NFATC1: variants seen among roughly 807,000 people sequenced by gnomAD.
NFATC1 encodes the protein nuclear factor of activated T cells 1, also known as nuclear factor of activated T-cells, cytoplasmic 1.
Under a neutral mutation model 76.0 loss-of-function variants are expected in NFATC1, and 22 were observed. That is an observed-to-expected ratio of 0.29 (90% CI 0.21 to 0.41). The LOEUF is 0.41. NFATC1 is among the 10% of genes least tolerant of loss of function. The pLI is 1.00. For missense variants in NFATC1, 1,357 were observed against 1,337.7 expected, an observed-to-expected ratio of 1.01 and a Z score of -0.23; for synonymous variants, 704 against 613.1, an observed-to-expected ratio of 1.15 and a Z score of -2.19.
chr18:79,401,701 C>T (rs956473473), intron 1 of NFATC1, among the ~76,000 whole-genome samples: 1 of 152,252 alleles, frequency 6.6e-6, no homozygotes, highest in Non-Finnish European at 1.5e-5. Flanking sequence ...AAAGTCGGTC[C>T]CATGAGAGTG....
chr18:79,454,534 G>C (rs1480925440), intron 6 of NFATC1, among the ~76,000 whole-genome samples: 1 of 152,186 alleles, frequency 6.6e-6, no homozygotes, highest in Non-Finnish European at 1.5e-5. Flanking sequence ...CTGGGTGCCG[G>C]GTCCCTCTGG....
At chr18:79,411,599 G>A in intron 2 of NFATC1, 98 bp downstream of exon 2, 1 of 986,616 alleles carries the variant, frequency 1.0e-6, no homozygotes, top group Non-Finnish European at 1.3e-6. Context: ...GGGCGGCCGT[G>A]TCTGGGGACG....
rs539396405 is a variant in NFATC1, at chr18:79,509,870, T to A, written c.2783-17658T>A. On this transcript the variant is annotated intron_variant, in intron 9 of 9. Transcript: ENST00000427363. Reference sequence around the variant, plus strand: ...CTGACCTCACCTCGGTGTTTGGAAATGGACCAAGACTTATCGGAAAGTGTC... The same window carrying A: ...CTGACCTCACCTCGGTGTTTGGAAAAGGACCAAGACTTATCGGAAAGTGTC... Among the ~76,000 whole-genome samples the A allele has an allele frequency of 1.2e-3, 178 of 152,320 alleles. 2 individuals are homozygous for A. The highest frequency in any genetic ancestry group is 3.7e-3 in the South Asian group (18 of 4,828).
At chr18:79,413,076 G>A (rs78081956) in intron 2 of NFATC1, among the ~76,000 whole-genome samples, 7 of 152,322 alleles carry the variant, frequency 4.6e-5, no homozygotes, top group East Asian at 1.9e-4. Context: ...AAGCGTAGTG[G>A]CACTGACTCT....
Position 79,458,118 on chromosome 18 carries a change from G to C in NFATC1, c.1904-3193G>C, listed in dbSNP as rs897281349. 2.0e-5 allele frequency among the ~76,000 whole-genome samples: 3 copies of C among 152,206 alleles called. 1 individual carries two copies. The highest frequency in any genetic ancestry group is 1.5e-5 in the Non-Finnish European group (1 of 68,036). On this transcript the variant is annotated intron_variant, in intron 6 of 9. Transcript: ENST00000427363. ...GGTGTGAAAGGGCTGTGGGTCACAG[G>C]GTGGCTCCGTGTGAGGCCCTGCAGG...
chr18:79,456,027 C>G (rs936087689), intron 6 of NFATC1, among the ~76,000 whole-genome samples: 9 of 152,232 alleles, frequency 5.9e-5, no homozygotes, highest in Non-Finnish European at 1.2e-4. Context: ...CTTTCCAAGG[C>G]TGCCCTGCCA....
Position 79,453,139 on chromosome 18 carries a change from T to G in NFATC1, c.1903+1323T>G, listed in dbSNP as rs4799056. ...GAGGAGGCTAATTTTGAAATAATTT[T>G]CCCTTCAGAGCTTTCGGTGTGTGTC... On this transcript the variant is annotated intron_variant, in intron 6 of 9. Transcript: ENST00000427363. 1.7e-3 allele frequency among the ~76,000 whole-genome samples: 257 copies of G among 152,372 alleles called. 3 individuals carry two copies. The highest frequency in any genetic ancestry group is 0.015 in the Admixed American group (226 of 15,314).
At chr18:79,422,525 G>C (rs1051872569) in intron 2 of NFATC1, 1 of 152,254 alleles carries the variant, frequency 6.6e-6, no homozygotes, top group Non-Finnish European at 1.5e-5. Flanking sequence ...CTCCAGCCAC[G>C]AGAAGATGCA....
In NFATC1 at chr18:79,434,600, G is replaced by A. The variant is rs539894861; in HGVS notation, c.1386+862G>A. The stretch of plus-strand genomic sequence containing the variant: ...GTCCAGCCCCAGGGCTCCAGGCTAC[G>A]CGGCAGCACAGAGGATGTTTTCCGA... On this transcript the variant is annotated intron_variant, in intron 3 of 9. Coordinates refer to ENST00000427363, the MANE Select transcript of NFATC1 (RefSeq NM_001278669.2). Among the ~76,000 whole-genome samples the A allele has an allele frequency of 2.7e-4, 41 of 152,376 alleles. No individual in the cohort carries two copies. The East Asian group carries it at 6.0e-3, about 22-fold the overall frequency.
At chr18:79,422,123 G>A (rs1218831391) in intron 2 of NFATC1, 1 of 152,174 alleles carries the variant, frequency 6.6e-6, no homozygotes, top group Non-Finnish European at 1.5e-5. Flanking sequence ...AAACCCCCAA[G>A]TTTCCCGTAG....
intron 3 of NFATC1, among the ~76,000 whole-genome samples, chr18:79,445,045 G>A (rs1311527906): frequency 1.3e-5 from 2 of 152,260 alleles, no homozygotes; most frequent in Non-Finnish European, 2.9e-5. Flanking sequence ...GGATGCGGGG[G>A]TGTGTCCTGG....
intron 1 of NFATC1, among the ~76,000 whole-genome samples, chr18:79,399,431 C>T (rs1397686275): frequency 1.3e-5 from 2 of 152,230 alleles, no homozygotes; most frequent in African/African-American, 4.8e-5. Context: ...GGGCCGGCTC[C>T]CCTCCGCCCT....
intron 2 of NFATC1, among the ~76,000 whole-genome samples, chr18:79,430,168 T>TTTACAC (rs1287590507): frequency 2.6e-5 from 4 of 152,240 alleles, no homozygotes; most frequent in African/African-American, 9.6e-5. Flanking sequence ...CGTGGCTGCG[T>TTTACAC]TTACACAAAC....
At chr18:79,487,530 C>G (rs1026388152) in intron 9 of NFATC1, among the ~76,000 whole-genome samples, 1 of 152,226 alleles carries the variant, frequency 6.6e-6, no homozygotes, top group East Asian at 1.9e-4. Flanking sequence ...CCCCTGGGCT[C>G]GCACAGCGCG....
At chr18:79,399,577 C>T (rs2085114061) in intron 1 of NFATC1, among the ~76,000 whole-genome samples, 1 of 152,270 alleles carries the variant, frequency 6.6e-6, no homozygotes, top group Non-Finnish European at 1.5e-5. Context: ...TCCGGATCCC[C>T]GCCGCGCACA....
chr18:79,516,117 TAAGG>T (rs2090376734), intron 9 of NFATC1: 4 of 152,222 alleles, frequency 2.6e-5, no homozygotes, highest in Admixed American at 2.6e-4. Flanking sequence ...TCAGGCTAAA[TAAGG>T]AAGCAGGCAG....
chr18:79,501,840 C>G, intron 9 of NFATC1, among the ~76,000 whole-genome samples: 1 of 152,064 alleles, frequency 6.6e-6, no homozygotes, highest in Non-Finnish European at 1.5e-5. Context: ...AATGACAGAA[C>G]GTTGCTGAGG....
chr18:79,435,721 G>A (rs1215857802), intron 3 of NFATC1, among the ~76,000 whole-genome samples: 2 of 152,168 alleles, frequency 1.3e-5, no homozygotes, highest in African/African-American at 2.4e-5. Flanking sequence ...GGAGGACTCA[G>A]GAAACTTGAA....
chr18:79,469,310 C>G (rs558472225), intron 8 of NFATC1: 10 of 985,240 alleles, frequency 1.0e-5, no homozygotes, highest in Non-Finnish European at 1.2e-5. Context: ...TAATTTTTTT[C>G]TTATTTGCTC....
Sources: allele counts gnomAD v4.1 joint callset (sites outside exome capture counted in the v4.1 genomes callset), GRCh38; gene constraint gnomAD v4.1.1; transcripts MANE v1.5; gene names NCBI Gene and HGNC (gene_info 2026-07-23, HGNC 2026-07-21).